Variants in TJP1 observed in about 807,000 individuals in gnomAD.
The protein encoded by TJP1 is tight junction protein ZO-1.
TJP1 carries 43 observed loss-of-function variants against 194.2 expected under a neutral mutation model. The observed-to-expected ratio is 0.22, with a 90% confidence interval of 0.17 to 0.29. TJP1 has a LOEUF of 0.29. Ranked by LOEUF, TJP1 falls within the 10% of genes least tolerant of loss-of-function variation. TJP1 has a pLI of 1.00. For missense variants in TJP1, 1,971 were observed against 2,185.7 expected (o/e 0.90, Z 1.96); for synonymous variants, 801 against 779.0 (o/e 1.03, Z -0.47).
At chr15:29,750,169 G>T (rs1463722061) in intron 8 of TJP1, among the ~76,000 whole-genome samples, 3 of 152,034 alleles carry the variant, frequency 2.0e-5, no homozygotes, top group African/African-American at 4.8e-5. Flanking sequence ...ACCACGCCCA[G>T]CTAATTTTTT....
At chr15:29,725,315 C>A (rs954605104) in intron 18 of TJP1, among the ~76,000 whole-genome samples, 1 of 152,100 alleles carries the variant, frequency 6.6e-6, no homozygotes, top group Admixed American at 6.5e-5. Flanking sequence ...ATAGACACTG[C>A]CTCTCAGTGT....
intron 2 of TJP1, among the ~76,000 whole-genome samples, chr15:29,861,272 T>C (rs1334442175): frequency 6.6e-6 from 1 of 152,222 alleles, no homozygotes; most frequent in African/African-American, 2.4e-5. Flanking sequence ...CCAGCACGCA[T>C]GAGGGTCCCA....
At chr15:29,882,027 C>T (rs569117357) in intron 2 of TJP1, among the ~76,000 whole-genome samples, 3 of 151,962 alleles carry the variant, frequency 2.0e-5, no homozygotes, top group African/African-American at 7.2e-5. Flanking sequence ...TTTCTTATTT[C>T]TGTGGTATTT....
chr15:29,838,066 T>C (rs2051096165), intron 2 of TJP1, among the ~76,000 whole-genome samples: 1 of 152,230 alleles, frequency 6.6e-6, no homozygotes, highest in Non-Finnish European at 1.5e-5. Context: ...ATTCATCACA[T>C]AGGCTACACA....
At chr15:29,745,493 G>A (rs2044711985) in intron 8 of TJP1, among the ~76,000 whole-genome samples, 1 of 152,154 alleles carries the variant, frequency 6.6e-6, no homozygotes, top group East Asian at 1.9e-4. Flanking sequence ...GCCTTTGCAA[G>A]TAGGATAGAA....
Position 29,852,390 on chromosome 15 carries a change from G to A in TJP1, c.307-51688C>T, listed in dbSNP as rs140535655. ...CAACATCATTATTCCTCAGAGAAAC[G>A]CCAATTAAAACCACAATGAGACATC... On this transcript the variant is annotated intron_variant, in intron 2 of 28. Coordinates refer to the TJP1 transcript ENST00000356107. 2.7e-3 allele frequency among the ~76,000 whole-genome samples: 410 copies of A among 152,216 alleles called. 7 individuals are homozygous for A. Among genetic ancestry groups the A allele is most frequent in the Non-Finnish European group, 1.5e-3 (105 of 68,026 alleles).
chr15:29,839,575 A>G (rs1045514745), intron 2 of TJP1, among the ~76,000 whole-genome samples: 1 of 152,162 alleles, frequency 6.6e-6, no homozygotes, highest in Admixed American at 6.5e-5. Context: ...TAGGAGGTAG[A>G]GGCTACAGTG....
chr15:29,961,441 C>T (rs575642449), intron 1 of TJP1, among the ~76,000 whole-genome samples: 3 of 151,370 alleles, frequency 2.0e-5, no homozygotes, highest in African/African-American at 7.3e-5. Context: ...CTCCGCTTCC[C>T]GGGTTCACGC....
intron 1 of TJP1, among the ~76,000 whole-genome samples, chr15:29,958,029 T>C (rs2056012132): frequency 6.6e-6 from 1 of 152,234 alleles, no homozygotes; most frequent in Non-Finnish European, 1.5e-5. Flanking sequence ...ACCTTGAACA[T>C]GGACTTGTCA....
intron 2 of TJP1, among the ~76,000 whole-genome samples, chr15:29,876,334 A>T (rs181329302): frequency 1.3e-5 from 2 of 152,138 alleles, no homozygotes; most frequent in South Asian, 2.1e-4. Context: ...AGCTTGACCA[A>T]CATGGTGAAA....
At chr15:29,882,363 C>A (rs1464662446) in intron 2 of TJP1, among the ~76,000 whole-genome samples, 1 of 152,212 alleles carries the variant, frequency 6.6e-6, no homozygotes, top group Non-Finnish European at 1.5e-5. Flanking sequence ...TTCATACCTT[C>A]ATCTCATTGC....
intron 2 of TJP1, among the ~76,000 whole-genome samples, chr15:29,932,880 A>G (rs1039295366): frequency 1.3e-5 from 2 of 152,200 alleles, no homozygotes; most frequent in Non-Finnish European, 2.9e-5. Context: ...ACAGAATTCT[A>G]ACACTGATTT....
At chr15:29,914,326 A>C (rs1207644174) in intron 2 of TJP1, among the ~76,000 whole-genome samples, 14 of 152,158 alleles carry the variant, frequency 9.2e-5, no homozygotes, top group Non-Finnish European at 2.9e-5. Flanking sequence ...AGGGGATGCT[A>C]TATAGAGCTC....
At chr15:29,839,277 T>A (rs543713601) in intron 2 of TJP1, among the ~76,000 whole-genome samples, 98 of 152,100 alleles carry the variant, frequency 6.4e-4, no homozygotes, top group African/African-American at 2.2e-3. Context: ...GGATTACAGG[T>A]GTGAGCCACC....
chr15:29,882,592 T>G (rs1265790895), intron 2 of TJP1, among the ~76,000 whole-genome samples: 2 of 152,296 alleles, frequency 1.3e-5, no homozygotes. Flanking sequence ...GAGATTTAAG[T>G]GCAAAATTCC....
At chr15:29,846,686 G>A (rs930252538) in intron 2 of TJP1, among the ~76,000 whole-genome samples, 1 of 152,126 alleles carries the variant, frequency 6.6e-6, no homozygotes, top group Non-Finnish European at 1.5e-5. Context: ...AGCACTTTGG[G>A]AGGCCGAGGC....
intron 1 of TJP1, among the ~76,000 whole-genome samples, chr15:29,812,482 A>G (rs1289562046): frequency 6.6e-6 from 1 of 152,194 alleles, no homozygotes. Flanking sequence ...GGGCTGAGCA[A>G]GAGCTGCTTC....
chr15:29,894,792 C>T (rs1010960040), intron 2 of TJP1, among the ~76,000 whole-genome samples: 2 of 152,236 alleles, frequency 1.3e-5, no homozygotes, highest in Non-Finnish European at 2.9e-5. Flanking sequence ...ATCAACACCC[C>T]TACAGCTTGT....
At chr15:29,840,951 T>C (rs2051202508) in intron 2 of TJP1, among the ~76,000 whole-genome samples, 1 of 152,136 alleles carries the variant, frequency 6.6e-6, no homozygotes, top group Non-Finnish European at 1.5e-5. Context: ...GAGATAGCAC[T>C]GTAGATGTGT....
Sources: allele counts gnomAD v4.1 joint callset (sites outside exome capture counted in the v4.1 genomes callset), GRCh38; gene constraint gnomAD v4.1.1; transcripts MANE v1.5; gene names NCBI Gene and HGNC (gene_info 2026-07-23, HGNC 2026-07-21).